MFSD6: variants seen among roughly 807,000 people sequenced by gnomAD.
MFSD6 encodes the protein major facilitator superfamily domain containing 6, also known as major facilitator superfamily domain-containing protein 6.
In MFSD6, 26 loss-of-function variants were observed where a neutral mutation model predicts 56.3. The ratio of observed to expected loss-of-function variants is 0.46; its 90% CI spans 0.34 to 0.64. MFSD6 has a LOEUF of 0.64. Among genes scored for constraint, MFSD6 ranks in the 30% least tolerant of loss-of-function variants. The probability of loss-of-function intolerance (pLI) is 0.01; values close to 1 mark genes in which losing one functional copy is unlikely to be tolerated. For synonymous variants in MFSD6, 331 were observed against 366.9 expected (o/e 0.90, Z 1.12); for missense variants, 750 against 986.2 (o/e 0.76, Z 3.21).
chr2:190,462,894 CTG>C lies in MFSD6; in HGVS notation c.1533-6863_1533-6862del, dbSNP rs1687404361. On this transcript the variant is annotated intron_variant, in intron 3 of 7. Coordinates refer to ENST00000392328, the MANE Select transcript of MFSD6 (RefSeq NM_017694.4). The surrounding 1 kb of genome is among the most constrained non-coding windows in gnomAD (Gnocchi z 5.7). ...TCTGTGGCCTTGTCTCCTCTCCTCT[CTG>C]GCCACTCTTACCACCATTCTAGCAC... 6.6e-6 allele frequency among the ~76,000 whole-genome samples: 1 copy of C among 152,344 alleles called. No homozygotes were observed. Among genetic ancestry groups the C allele is most frequent in the East Asian group, 1.9e-4 (1 of 5,188 alleles).
Position 190,436,622 on chromosome 2 carries a change from A to G in MFSD6, c.593A>G (p.Lys198Arg), listed in dbSNP as rs987997284. The G allele has an allele frequency of 2.1e-5, 34 of 1,614,232 alleles. No homozygotes were observed. The highest frequency in any genetic ancestry group is 2.7e-5 in the Non-Finnish European group (32 of 1,180,044). The change falls in exon 3 of 8, where the codon AAA becomes AGA. Residue 198 changes from lysine to arginine, a missense_variant. Coordinates refer to ENST00000392328, the MANE Select transcript of MFSD6 (RefSeq NM_017694.4). This position sits in a 1 kb window ranked among gnomAD's most constrained non-coding sequence, Gnocchi z 5.3. ...FLTISPKMRE[K>R]RNLLETRLNV... Reference sequence around the variant, plus strand: ...ACCATATCACCAAAAATGCGTGAGAAAAGAAACCTTTTGGAAACAAGGCTC... The same window carrying G: ...ACCATATCACCAAAAATGCGTGAGAGAAGAAACCTTTTGGAAACAAGGCTC...
At chr2:190,450,115 G>C (rs1686725050) in intron 3 of MFSD6, among the ~76,000 whole-genome samples, 1 of 152,276 alleles carries the variant, frequency 6.6e-6, no homozygotes, top group South Asian at 2.1e-4. Flanking sequence ...AGTAAGTGCA[G>C]GTATGAGTGT....
Position 190,459,321 on chromosome 2 carries a change from G to A in MFSD6, c.1533-10437G>A, listed in dbSNP as rs553829071. ...AGTTTCGATGAACTTGTTCAGCTTC[G>A]TCAAATTTAGCTTAGGGTCAAGTAA... On this transcript the variant is annotated intron_variant, in intron 3 of 7. Transcript: ENST00000392328. This position sits in a 1 kb window ranked among gnomAD's most constrained non-coding sequence, Gnocchi z 5.3. 1.8e-4 allele frequency among the ~76,000 whole-genome samples: 28 copies of A among 152,260 alleles called. No individual in the cohort carries two copies. In the South Asian group the frequency reaches 4.6e-3, roughly 25 times the overall value.
chr2:190,441,662 CCTCT>C (rs1164457974), intron 3 of MFSD6, among the ~76,000 whole-genome samples: 2 of 151,936 alleles, frequency 1.3e-5, no homozygotes, highest in Non-Finnish European at 2.9e-5. Context: ...TCTCTACAGT[CCTCT>C]CTCTCTGTAG....
chr2:190,473,316 A>T (rs974956721), intron 4 of MFSD6, among the ~76,000 whole-genome samples: 13 of 152,228 alleles, frequency 8.5e-5, no homozygotes. Flanking sequence ...GTCAAAACCC[A>T]TCAGTGTGCT....
rs767416762 is a variant in MFSD6 at position 190,426,361 on chromosome 2, G to A, written c.-53-9616G>A. Among the ~76,000 whole-genome samples the A allele has an allele frequency of 2.6e-5, 4 of 151,984 alleles. No individual in the cohort carries two copies. The highest frequency in any genetic ancestry group is 9.7e-5 in the African/African-American group (4 of 41,396). On this transcript the variant is annotated intron_variant, in intron 2 of 7. Coordinates refer to ENST00000392328, the MANE Select transcript of MFSD6 (RefSeq NM_017694.4). This position sits in a 1 kb window ranked among gnomAD's most constrained non-coding sequence, Gnocchi z 4.7. ...TCCATTAAGATTTATTTTTGTGGTT[G>A]TATTTTCCAGTTATAAGTTTTCCAT...
Position 190,471,328 on chromosome 2 carries a change from T to C in MFSD6, c.1630+1473T>C, listed in dbSNP as rs1344099492. Among the ~76,000 whole-genome samples, 1 of 152,150 alleles carries C rather than the reference T, an allele frequency of 6.6e-6. No individual in the cohort carries two copies. Among genetic ancestry groups the C allele is most frequent in the Admixed American group, 6.5e-5 (1 of 15,290 alleles). ...CCAGGAAGCACAAGGGGTCAGGGAA[T>C]TCCCTTTCCTAGCCGAGGAAAGGGG... On this transcript the variant is annotated intron_variant, in intron 4 of 7. Coordinates refer to ENST00000392328, the MANE Select transcript of MFSD6 (RefSeq NM_017694.4). The surrounding 1 kb of genome is among the most constrained non-coding windows in gnomAD (Gnocchi z 4.7).
At chr2:190,414,237 TAACA>T (rs752630032) in intron 1 of MFSD6, among the ~76,000 whole-genome samples, 2 of 152,180 alleles carry the variant, frequency 1.3e-5, no homozygotes, top group Non-Finnish European at 2.9e-5. Flanking sequence ...TTTGCCTATG[TAACA>T]AACCCACATG....
rs1443516189 is a variant in MFSD6 at position 190,443,915 on chromosome 2, G to C, written c.1532+6354G>C. ...ACAAAAAATAACATTAGCTGGGCATGGTGTCACACGCCTGTAGTCCCAGTT... is the reference window on the plus strand; with the variant it reads ...ACAAAAAATAACATTAGCTGGGCATCGTGTCACACGCCTGTAGTCCCAGTT... On this transcript the variant is annotated intron_variant, in intron 3 of 7. Transcript: ENST00000392328. This position sits in a 1 kb window ranked among gnomAD's most constrained non-coding sequence, Gnocchi z 4.2. Among the ~76,000 whole-genome samples, 1 of 152,110 alleles carries C rather than the reference G, an allele frequency of 6.6e-6. No homozygotes were observed. Among genetic ancestry groups the C allele is most frequent in the Non-Finnish European group, 1.5e-5 (1 of 68,030 alleles).
rs1372653096 is a variant in MFSD6 at position 190,447,965 on chromosome 2, A to T, written c.1532+10404A>T. Among the ~76,000 whole-genome samples the T allele has an allele frequency of 6.6e-6, 1 of 152,194 alleles. No homozygotes were observed. Among genetic ancestry groups the T allele is most frequent in the African/African-American group, 2.4e-5 (1 of 41,430 alleles). ...CAAGCTATTCATAGTTAAGAAGAAA[A>T]GGCCATTGTTGCAAAGTGGTATAAA... On this transcript the variant is annotated intron_variant, in intron 3 of 7. Coordinates refer to ENST00000392328, the MANE Select transcript of MFSD6 (RefSeq NM_017694.4). This position sits in a 1 kb window ranked among gnomAD's most constrained non-coding sequence, Gnocchi z 4.5.
At position 190,499,222 on chromosome 2, in the gene MFSD6, A is replaced by C. The variant is rs1689889661; in HGVS notation, c.2173-793A>C. 6.6e-6 allele frequency among the ~76,000 whole-genome samples: 1 copy of C among 152,226 alleles called. No individual in the cohort carries two copies. ...TTAGGATTAATAAAAACTGGCAGGT[A>C]TGCTGTAGTTATTCTTAGAAGTCAT... On this transcript the variant is annotated intron_variant, in intron 7 of 7. Coordinates refer to ENST00000392328, the MANE Select transcript of MFSD6 (RefSeq NM_017694.4). This position sits in a 1 kb window ranked among gnomAD's most constrained non-coding sequence, Gnocchi z 6.0.
In MFSD6 at chr2:190,413,615, G is replaced by A. The variant is rs6725814; in HGVS notation, c.-175-1677G>A. Among the ~76,000 whole-genome samples the A allele has an allele frequency of 0.65, 98,151 of 151,910 alleles. 32,004 individuals carry two copies. The highest frequency in any genetic ancestry group is 0.89 in the East Asian group (4,592 of 5,158). The stretch of plus-strand genomic sequence containing the variant: ...GTGAGCTCTGGTGTGTGGCTTTGAG[G>A]AGGATAAAAAGGAGGAACTGGTGCT... On this transcript the variant is annotated intron_variant, in intron 1 of 7. Transcript: ENST00000392328. This position sits in a 1 kb window ranked among gnomAD's most constrained non-coding sequence, Gnocchi z 4.1.
intron 1 of MFSD6, among the ~76,000 whole-genome samples, chr2:190,414,942 C>T (rs1156751195): frequency 6.6e-6 from 1 of 152,158 alleles, no homozygotes; most frequent in Non-Finnish European, 1.5e-5. Context: ...CCTGCTCTTT[C>T]ATTTAACATG....
chr2:190,482,294 T>A (rs559783114), intron 4 of MFSD6, among the ~76,000 whole-genome samples: 1 of 152,278 alleles, frequency 6.6e-6, no homozygotes, highest in East Asian at 1.9e-4. Flanking sequence ...ACCACTAAGA[T>A]TTCCAATATA....
intron 3 of MFSD6, among the ~76,000 whole-genome samples, chr2:190,444,389 T>C (rs1453617518): frequency 6.6e-6 from 1 of 152,160 alleles, no homozygotes; most frequent in Non-Finnish European, 1.5e-5. Flanking sequence ...CTGTAGAATA[T>C]AGTTTAGCCA....
At chr2:190,486,317 T>C (rs559870894) in intron 4 of MFSD6, among the ~76,000 whole-genome samples, 2 of 152,332 alleles carry the variant, frequency 1.3e-5, no homozygotes, top group South Asian at 4.1e-4. Context: ...TCACTCTGAA[T>C]AGTGTCTGCA....
Position 190,500,282 on chromosome 2 carries a change from G to GC in MFSD6, c.*70dup, listed in dbSNP as rs1028052005. 1.6e-4 allele frequency: 252 copies of GC among 1,569,822 alleles called. No individual in the cohort carries two copies. Among genetic ancestry groups the GC allele is most frequent in the Admixed American group, 7.2e-4 (42 of 58,404 alleles). Reference sequence around the variant, plus strand: ...CTCCTCAGCCAGGACACAGGGTGAGGCCCCCCAGCCAGGATATGCCTCCCC... The same window carrying GC: ...CTCCTCAGCCAGGACACAGGGTGAGGCCCCCCCAGCCAGGATATGCCTCCCC... On this transcript the variant is annotated 3_prime_UTR_variant, in exon 8 of 8. Coordinates refer to ENST00000392328, the MANE Select transcript of MFSD6 (RefSeq NM_017694.4). The surrounding 1 kb of genome is among the most constrained non-coding windows in gnomAD (Gnocchi z 5.3).
intron 4 of MFSD6, among the ~76,000 whole-genome samples, chr2:190,472,695 T>C (rs765991512): frequency 9.9e-5 from 15 of 152,148 alleles, no homozygotes; most frequent in Admixed American, 3.3e-4. Context: ...TTCCCCAATC[T>C]AGCAAGGCAG....
rs1444807265 is a variant in MFSD6, at chr2:190,412,855, T to C, written c.-175-2437T>C. Among the ~76,000 whole-genome samples the C allele has an allele frequency of 1.3e-5, 2 of 152,218 alleles. No homozygotes were observed. Among genetic ancestry groups the C allele is most frequent in the East Asian group, 3.8e-4 (2 of 5,200 alleles). On this transcript the variant is annotated intron_variant, in intron 1 of 7. Coordinates refer to ENST00000392328, the MANE Select transcript of MFSD6 (RefSeq NM_017694.4). This position sits in a 1 kb window ranked among gnomAD's most constrained non-coding sequence, Gnocchi z 4.1. ...ATTGCCCACATTTGGATGATATTTATTTACTGTTTTTGCAAAATGGCATTG... is the reference window on the plus strand; with the variant it reads ...ATTGCCCACATTTGGATGATATTTACTTACTGTTTTTGCAAAATGGCATTG...
Sources: gnomAD v4.1 joint callset for allele counts (sites outside exome capture counted in the v4.1 genomes callset) on GRCh38, gnomAD v4.1.1 for gene constraint, Gnocchi (gnomAD v3.1) non-coding constraint, MANE v1.5 for transcripts, NCBI Gene and HGNC (gene_info 2026-07-23, HGNC 2026-07-21) for gene names.